The following PTPRO variants were observed in gnomAD, a reference collection of about 807,000 sequenced individuals.
The protein encoded by PTPRO is receptor-type tyrosine-protein phosphatase O.
In PTPRO, 62 loss-of-function variants were observed where a neutral mutation model predicts 145.2. The observed-to-expected ratio is 0.43, with a 90% CI of 0.35 to 0.53. The LOEUF (loss-of-function observed/expected upper bound fraction) is 0.53, where lower values mean the gene tolerates loss of function less well. Among genes scored for constraint, PTPRO ranks in the 20% least tolerant of loss-of-function variants. PTPRO has a pLI of 0.01. For missense variants in PTPRO, 1,345 were observed against 1,482.7 expected, an observed-to-expected ratio of 0.91 and a Z score of 1.53; for synonymous variants, 565 against 514.7, an observed-to-expected ratio of 1.10 and a Z score of -1.32.
chr12:15,499,741 A>G (rs1260784773), intron 4 of PTPRO, 147 bp downstream of exon 4: 2 of 971,926 alleles, frequency 2.1e-6, no homozygotes, highest in Non-Finnish European at 3.0e-6. Context: ...TTTTCTATCA[A>G]TATAAAAAGA....
chr12:15,593,773 A>G (rs982782966), intron 25 of PTPRO, among the ~76,000 whole-genome samples: 3 of 152,138 alleles, frequency 2.0e-5, no homozygotes, highest in African/African-American at 4.8e-5. Context: ...TCCACAAACA[A>G]TAGGTAAAAT....
At chr12:15,486,626 T>A (rs1327456692) in intron 2 of PTPRO, among the ~76,000 whole-genome samples, 3 of 152,098 alleles carry the variant, frequency 2.0e-5, no homozygotes, top group Non-Finnish European at 4.4e-5. Flanking sequence ...AATTTTAATA[T>A]CATGGTTTAC....
At chr12:15,384,629 A>G (rs1331454433) in intron 1 of PTPRO, among the ~76,000 whole-genome samples, 1 of 152,186 alleles carries the variant, frequency 6.6e-6, no homozygotes, top group Non-Finnish European at 1.5e-5. Flanking sequence ...TTATCTCCTT[A>G]AAGTCCTGTC....
intron 1 of PTPRO, among the ~76,000 whole-genome samples, chr12:15,414,139 G>A (rs924845360): frequency 6.6e-6 from 1 of 152,144 alleles, no homozygotes; most frequent in Non-Finnish European, 1.5e-5. Context: ...TTAAAATACT[G>A]ATACCCAGAA....
intron 12 of PTPRO, among the ~76,000 whole-genome samples, chr12:15,531,605 G>T (rs1403985927): frequency 6.6e-6 from 1 of 152,078 alleles, no homozygotes; most frequent in East Asian, 1.9e-4. Context: ...TACTTATAGG[G>T]AAACTCGAAG....
At chr12:15,462,163 T>G (rs560304731) in intron 1 of PTPRO, among the ~76,000 whole-genome samples, 12 of 152,150 alleles carry the variant, frequency 7.9e-5, no homozygotes, top group Non-Finnish European at 1.6e-4. Flanking sequence ...TCACCCTTGT[T>G]GCCCAGGCTG....
At chr12:15,428,964 C>T (rs1940357771) in intron 1 of PTPRO, among the ~76,000 whole-genome samples, 2 of 152,152 alleles carry the variant, frequency 1.3e-5, no homozygotes, top group South Asian at 2.1e-4. Context: ...AGGAACTGGT[C>T]ACATAACCAT....
intron 23 of PTPRO, among the ~76,000 whole-genome samples, chr12:15,582,209 G>C (rs7967821): frequency 0.98 from 148,875 of 152,360 alleles, 72,834 homozygotes; most frequent in East Asian, 1. Context: ...TGCCCTCATT[G>C]CGGTAAACCG....
At chr12:15,403,267 A>G (rs1007949276) in intron 1 of PTPRO, among the ~76,000 whole-genome samples, 3 of 152,070 alleles carry the variant, frequency 2.0e-5, no homozygotes, top group South Asian at 2.1e-4. Context: ...TTCTGCCTGG[A>G]CAACTCTTCA....
chr12:15,475,688 A>C (rs1283538539), intron 1 of PTPRO, among the ~76,000 whole-genome samples: 1 of 152,138 alleles, frequency 6.6e-6, no homozygotes, highest in Non-Finnish European at 1.5e-5. Flanking sequence ...CTCTCGGTGA[A>C]TTTGAAAGCA....
At chr12:15,467,197 A>G (rs550459823) in intron 1 of PTPRO, among the ~76,000 whole-genome samples, 1 of 152,244 alleles carries the variant, frequency 6.6e-6, no homozygotes, top group African/African-American at 2.4e-5. Flanking sequence ...TCATAGCTTC[A>G]TCTCTGAGTC....
rs192748033 is a variant in PTPRO, at chr12:15,419,254, G to A, written c.76-64720G>A. The stretch of plus-strand genomic sequence containing the variant: ...TTAAGATGCTCCAGTAACGATAGGA[G>A]CATTTTGGGGGCGGGGGAGGGGGGC... On this transcript the variant is annotated intron_variant, in intron 1 of 26. Transcript: ENST00000281171. Among the ~76,000 whole-genome samples, 84 of 143,262 alleles carry A rather than the reference G, an allele frequency of 5.9e-4. 2 individuals carry two copies. Among genetic ancestry groups the A allele is most frequent in the African/African-American group, 1.7e-3 (63 of 37,268 alleles). The allele number at this position is 143,262 out of a possible 152,430, so 94.0% of individuals were successfully genotyped here.
chr12:15,445,317 T>C (rs58082383), intron 1 of PTPRO, among the ~76,000 whole-genome samples: 4,409 of 152,232 alleles, frequency 0.029, 230 homozygotes, highest in African/African-American at 0.1. Flanking sequence ...TGGATTACTA[T>C]TTTAAAATTG....
chr12:15,443,431 C>T (rs1374735630), intron 1 of PTPRO, among the ~76,000 whole-genome samples: 1 of 151,992 alleles, frequency 6.6e-6, no homozygotes, highest in Admixed American at 6.6e-5. Flanking sequence ...ATCTGGACAT[C>T]GGCCTGGGGA....
chr12:15,578,057 A>G (rs1229146711), intron 19 of PTPRO, among the ~76,000 whole-genome samples: 1 of 152,188 alleles, frequency 6.6e-6, no homozygotes. Context: ...TCTTATTCTC[A>G]CTGAAGGATT....
chr12:15,519,932 A>T (rs1942679590), intron 9 of PTPRO, among the ~76,000 whole-genome samples: 1 of 152,194 alleles, frequency 6.6e-6, no homozygotes, highest in Admixed American at 6.5e-5. Context: ...CGCATGTGTA[A>T]TATTAGGAAA....
chr12:15,499,550 T>C lies in PTPRO; in HGVS notation c.617T>C (p.Val206Ala), dbSNP rs759861678. ...GCAACTTTTAATAAAAGTACCCTTG[T>C]TGAGTACAGTGGTGTCAGTCACGAA... The part of the protein sequence containing the change: ...SEATFNKSTL[V>A]EYSGVSHEPK... Residue 206 changes from valine (V) to alanine (A), a missense_variant, in exon 4 of 27, where the codon GTT becomes GCT. Around this residue, in one of 3 missense-constraint regions of PTPRO, gnomAD observed 1,130 missense variants for 1,214.7 expected, o/e 0.93. Transcript: ENST00000281171. 1.9e-6 allele frequency: 3 copies of C among 1,613,912 alleles called. No individual in the cohort carries two copies. The highest frequency in any genetic ancestry group is 2.5e-6 in the Non-Finnish European group (3 of 1,179,840).
chr12:15,360,456 A>G (rs1197114618), intron 1 of PTPRO, among the ~76,000 whole-genome samples: 1 of 152,196 alleles, frequency 6.6e-6, no homozygotes, highest in Non-Finnish European at 1.5e-5. Flanking sequence ...ACAATAAAAC[A>G]TAGTGAAATT....
chr12:15,536,051 T>C (rs1457057847), intron 12 of PTPRO, among the ~76,000 whole-genome samples: 1 of 137,698 alleles, frequency 7.3e-6, no homozygotes, highest in Admixed American at 7.2e-5. Context: ...CTTATACTTT[T>C]TTAAAAAATT....
Sources: gnomAD v4.1 joint callset for allele counts (sites outside exome capture counted in the v4.1 genomes callset) on GRCh38, gnomAD v4.1.1 for gene constraint, gnomAD v4.1.1 regional missense constraint, MANE v1.5 for transcripts, NCBI Gene and HGNC (gene_info 2026-07-23, HGNC 2026-07-21) for gene names.